Variants in MTF2 observed in about 807,000 individuals in gnomAD.
MTF2 encodes the protein metal response element binding transcription factor 2.
In MTF2, 11 loss-of-function variants were observed where a neutral mutation model predicts 79.5. That is an observed-to-expected ratio of 0.14 (90% confidence interval 0.09 to 0.23). The LOEUF (loss-of-function observed/expected upper bound fraction) is 0.23. Ranked by LOEUF, MTF2 falls within the 10% of genes least tolerant of loss-of-function variation. The pLI, the probability that MTF2 is intolerant of heterozygous loss-of-function variation, is 1.00. For synonymous variants in MTF2, 208 were observed against 232.8 expected (o/e 0.89, Z 0.97); for missense variants, 486 against 711.2 (o/e 0.68, Z 3.60).
chr1:93,101,187 TAAACCAAG>T (rs1655513392), intron 1 of MTF2, among the ~76,000 whole-genome samples: 1 of 152,162 alleles, frequency 6.6e-6, no homozygotes, highest in Non-Finnish European at 1.5e-5. Context: ...TCTGGGGTAG[TAAACCAAG>T]AAAGAGTTAC....
At chr1:93,118,727 A>C (rs763062662) in intron 7 of MTF2, among the ~76,000 whole-genome samples, 2 of 152,230 alleles carry the variant, frequency 1.3e-5, no homozygotes, top group African/African-American at 2.4e-5. Context: ...TCAAAGGGAT[A>C]GTATTAGAAT....
At chr1:93,113,523 A>G (rs1315689373) in intron 3 of MTF2, among the ~76,000 whole-genome samples, 1 of 152,220 alleles carries the variant, frequency 6.6e-6, no homozygotes, top group East Asian at 1.9e-4. Flanking sequence ...GTCCGAGAGT[A>G]GAGTAATAAT....
chr1:93,126,657 G>C (rs1221601746), intron 9 of MTF2, among the ~76,000 whole-genome samples: 2 of 152,020 alleles, frequency 1.3e-5, no homozygotes, highest in Non-Finnish European at 2.9e-5. Context: ...AAAACAGTTT[G>C]TTATGATGAA....
At position 93,136,654 on chromosome 1, in the gene MTF2, C is replaced by T; in HGVS notation, c.1425-16C>T. 6.3e-7 allele frequency: 1 copy of T among 1,599,462 alleles called. No individual in the cohort carries two copies. Among genetic ancestry groups the T allele is most frequent in the African/African-American group, 1.3e-5 (1 of 74,134 alleles). On this transcript the variant is annotated splice_polypyrimidine_tract_variant and intron_variant, in intron 14 of 14. Transcript: ENST00000370298. ...AAAAAGCTCAGTAGACAATTCTGGC[C>T]TTCTCTGTTACATAGATTATCTGAC...
chr1:93,112,388 C>A (rs554936280), intron 3 of MTF2, among the ~76,000 whole-genome samples: 2 of 48,884 alleles, frequency 4.1e-5, no homozygotes, highest in African/African-American at 6.4e-5. Flanking sequence ...AAAAATTTTA[C>A]ATAAAGAAAA....
chr1:93,136,757 A>G lies in MTF2; in HGVS notation c.1512A>G (p.Pro504=), dbSNP rs1200352386. ...PHLRRRRGRL[P]RRALQTQNSE... is the part of the protein sequence containing the mutation. ...TGCGGAGAAGAAGAGGTCGTCTTCC[A>G]AGAAGAGCACTCCAGACTCAGAACT... Residue 504 remains proline (P), a synonymous_variant, in exon 15 of 15, where the codon CCA becomes CCG. Transcript: ENST00000370298. The G allele has an allele frequency of 6.2e-7, 1 of 1,614,104 alleles. No individual in the cohort carries two copies. Among genetic ancestry groups the G allele is most frequent in the Non-Finnish European group, 8.5e-7 (1 of 1,180,046 alleles).
At chr1:93,109,265 ATG>A (rs1655929518) in intron 1 of MTF2, among the ~76,000 whole-genome samples, 1 of 152,102 alleles carries the variant, frequency 6.6e-6, no homozygotes, top group South Asian at 2.1e-4. Flanking sequence ...ATAAGTTATA[ATG>A]TAATTTCACA....
intron 9 of MTF2, 55 bp from the exon 10 acceptor site, chr1:93,127,177 A>G (rs927833944): frequency 2.2e-5 from 26 of 1,203,602 alleles, no homozygotes; most frequent in Admixed American, 3.4e-5. Flanking sequence ...TAGCACCTGT[A>G]TATTACTAAT....
chr1:93,088,752 A>T (rs1320111693), intron 1 of MTF2, among the ~76,000 whole-genome samples: 1 of 152,080 alleles, frequency 6.6e-6, no homozygotes, highest in Non-Finnish European at 1.5e-5. Context: ...TTTTTGGTAG[A>T]GATGGTGTTT....
chr1:93,119,456 A>G, intron 8 of MTF2, 55 bp downstream of exon 8: 1 of 1,326,800 alleles, frequency 7.5e-7, no homozygotes, highest in Non-Finnish European at 1.0e-6. Context: ...TAAACCTACA[A>G]GTTGAAACTT....
intron 3 of MTF2, among the ~76,000 whole-genome samples, chr1:93,114,028 T>C (rs1261317616): frequency 6.7e-6 from 1 of 150,258 alleles, no homozygotes. Context: ...AGAATAAAAA[T>C]GTCTCAGGAA....
intron 1 of MTF2, among the ~76,000 whole-genome samples, chr1:93,106,001 G>A (rs538267321): frequency 6.6e-6 from 1 of 152,184 alleles, no homozygotes; most frequent in South Asian, 2.1e-4. Context: ...TTAATGTAGG[G>A]TTAGGGACTT....
At chr1:93,104,166 C>T (rs1464607710) in intron 1 of MTF2, among the ~76,000 whole-genome samples, 3 of 147,734 alleles carry the variant, frequency 2.0e-5, no homozygotes, top group Non-Finnish European at 3.0e-5. Context: ...TCTCAAATTC[C>T]TAGGCTCAAG....
In MTF2 at chr1:93,079,396, G is replaced by T; in HGVS notation, c.-131G>T. The T allele has an allele frequency of 8.8e-7, 1 of 1,138,782 alleles. No homozygotes were observed. The allele number at this position is 1,138,782 out of a possible 1,614,324, so 70.5% of individuals were successfully genotyped here. ...CTTGTCTCCAAGGACCTCGGTTTGT[G>T]CGTGCATATGTGCCGGGTACCCGGT... is the stretch of plus-strand genomic sequence containing the variant. On this transcript the variant is annotated 5_prime_UTR_variant, in exon 1 of 15. Transcript: ENST00000370298.
chr1:93,099,324 T>C (rs1655431809), intron 1 of MTF2, among the ~76,000 whole-genome samples: 1 of 151,946 alleles, frequency 6.6e-6, no homozygotes, highest in Non-Finnish European at 1.5e-5. Flanking sequence ...GAAAAACAAA[T>C]GAAAGGATTT....
At chr1:93,088,165 G>A (rs1288314493) in intron 1 of MTF2, among the ~76,000 whole-genome samples, 4 of 151,986 alleles carry the variant, frequency 2.6e-5, no homozygotes, top group African/African-American at 9.7e-5. Context: ...TAATGACAAC[G>A]CTGAACTTTC....
chr1:93,133,686 A>G lies in MTF2; in HGVS notation c.1161-17A>G, dbSNP rs781720329. 2.5e-6 allele frequency: 4 copies of G among 1,573,088 alleles called. No individual in the cohort carries two copies. Among genetic ancestry groups the G allele is most frequent in the Admixed American group, 1.7e-5 (1 of 59,160 alleles). The stretch of plus-strand genomic sequence containing the variant: ...TCTTTATGCAGAGATTAAATGCATA[A>G]TGGTTTTCCATTTCAGGGAAGTAAG... On this transcript the variant is annotated splice_polypyrimidine_tract_variant and intron_variant, in intron 11 of 14. Coordinates refer to ENST00000370298, the MANE Select transcript of MTF2 (RefSeq NM_007358.4).
intron 1 of MTF2, among the ~76,000 whole-genome samples, chr1:93,108,657 G>T: frequency 6.8e-6 from 1 of 146,786 alleles, no homozygotes; most frequent in Admixed American, 6.8e-5. Flanking sequence ...TGATGTGGCT[G>T]GGTGTAGATC....
chr1:93,109,640 G>A (rs1455414138), intron 1 of MTF2, among the ~76,000 whole-genome samples: 1 of 151,996 alleles, frequency 6.6e-6, no homozygotes, highest in East Asian at 1.9e-4. Flanking sequence ...TGGCCTTATA[G>A]TGTACTATTT....
Sources: gnomAD v4.1 joint callset for allele counts (sites outside exome capture counted in the v4.1 genomes callset) on GRCh38, gnomAD v4.1.1 for gene constraint, MANE v1.5 for transcripts, NCBI Gene and HGNC (gene_info 2026-07-23, HGNC 2026-07-21) for gene names.